TTN: variants seen among roughly 807,000 people sequenced by gnomAD.
The protein encoded by TTN is connectin.
A neutral mutation model predicts 3,223.0 loss-of-function variants in TTN; 1,525 were observed. The ratio of observed to expected loss-of-function variants is 0.47; its 90% CI spans 0.45 to 0.49. The LOEUF is 0.49. Among genes scored for constraint, TTN ranks in the 20% least tolerant of loss-of-function variants. TTN has a pLI of 0.00. For missense variants in TTN, 40,786 were observed against 43,424.0 expected (o/e 0.94, Z 5.40); for synonymous variants, 14,094 against 15,161.0 (o/e 0.93, Z 5.17).
intron 168 of TTN, 67 bp downstream of exon 168, chr2:178,664,393 C>T: frequency 7.9e-7 from 1 of 1,261,012 alleles, no homozygotes. Context: ...ATTTTCAAAA[C>T]TAGAAAGGTG....
In TTN at chr2:178,575,291, C is replaced by T; in HGVS notation, c.70841G>A (p.Ser23614Asn). ...GACGGGTCTGCTTTCTCTAGGGGCA[C>T]TTCTCCCCGCGCTGTTCACTGCCAT... is the stretch of plus-strand genomic sequence containing the variant. ...QVMAVNSAGRSAPRESRPVIV... is the reference protein window; with the variant it reads ...QVMAVNSAGRNAPRESRPVIV... The change falls in exon 326 of 363, where the codon AGT (serine) becomes AAT (asparagine). Residue 23614 changes from serine (S) to asparagine (N), a missense_variant. By Grantham distance (46) the Ser-to-Asn change is conservative. Transcript: ENST00000589042. This position sits in a 1 kb window ranked among gnomAD's most constrained non-coding sequence, Gnocchi z 4.0. 1.9e-6 allele frequency: 3 copies of T among 1,613,420 alleles called. No homozygotes were observed. The highest frequency in any genetic ancestry group is 2.5e-6 in the Non-Finnish European group (3 of 1,179,624).
chr2:178,651,894 C>G lies in TTN; in HGVS notation c.39369G>C (p.Ala13123=), dbSNP rs768499213. The G allele has an allele frequency of 6.2e-7, 1 of 1,607,678 alleles. No individual in the cohort carries two copies. Among genetic ancestry groups the G allele is most frequent in the South Asian group, 1.1e-5 (1 of 89,882 alleles). Residue 13123 remains alanine (A), a synonymous_variant, in exon 205 of 363, where the codon GCG becomes GCC. Transcript: ENST00000589042. The part of the protein sequence containing the change: ...AEVVEEPEPA[A]PPQVTVPPKK... ...TTTCTTGCCATGTACCTTGTGGAGGCGCCGCTGGCTCTGGCTCTTCCACAA... is the reference window on the plus strand; with the variant it reads ...TTTCTTGCCATGTACCTTGTGGAGGGGCCGCTGGCTCTGGCTCTTCCACAA...
rs2080755955 is a variant in TTN, at chr2:178,732,631, G to A, written c.16430C>T (p.Thr5477Ile). 1.2e-6 allele frequency: 2 copies of A among 1,613,242 alleles called. No individual in the cohort carries two copies. The highest frequency in any genetic ancestry group is 2.2e-5 in the East Asian group (1 of 44,794). ...VCLKSTFQGS[T>I]PLTIRWFKGN... ...CTTAAACCATCTGATTGTGAGAGGA[G>A]TAGATCCTTGGAAAGTGCTCTTCAG... The change falls in exon 56 of 363, where the codon ACT becomes ATT. Residue 5477 changes from threonine (T) to isoleucine (I), a missense_variant. Transcript: ENST00000589042.
chr2:178,743,872 G>C (rs2082944042), intron 47 of TTN, among the ~76,000 whole-genome samples: 2 of 151,972 alleles, frequency 1.3e-5, no homozygotes, highest in Non-Finnish European at 2.9e-5. Context: ...GTTGGAACAG[G>C]AATGATTGTT....
Position 178,563,999 on chromosome 2 carries a change from T to G in TTN, c.82133A>C (p.Lys27378Thr), listed in dbSNP as rs886055240. 7 of 1,613,568 alleles carry G rather than the reference T, an allele frequency of 4.3e-6. No homozygotes were observed. The highest frequency in any genetic ancestry group is 5.1e-6 in the Non-Finnish European group (6 of 1,179,740). ...TTTTTCCGCAGTAACTCCAGTAACT[T>G]TCAGAGGCCCTTCAGGAGGCCCTGG... The part of the protein sequence containing the change: ...DRPGPPEGPL[K>T]VTGVTAEKCY... The change falls in exon 326 of 363, where the codon AAA (lysine) becomes ACA (threonine). Residue 27378 changes from lysine to threonine, a missense_variant. Lys to Thr is a moderately conservative substitution (Grantham distance 78). Transcript: ENST00000589042. This position sits in a 1 kb window ranked among gnomAD's most constrained non-coding sequence, Gnocchi z 4.5.
At position 178,719,443 on chromosome 2, in the gene TTN, C is replaced by T. The variant is rs1060500564; in HGVS notation, c.23947G>A (p.Val7983Met). ...TVSVHVSDRI[V>M]PPSFIRKLKD... Reference sequence around the variant, plus strand: ...AGCTTGCGGATGAAGGAAGGAGGCACAATCCGATCTATGTGGGGAAGGGTA... The same window carrying T: ...AGCTTGCGGATGAAGGAAGGAGGCATAATCCGATCTATGTGGGGAAGGGTA... Residue 7983 changes from valine to methionine, a missense_variant, in exon 83 of 363, where the codon GTG becomes ATG. Physicochemically the swap from Val to Met is conservative, Grantham distance 21. Coordinates refer to ENST00000589042, the MANE Select transcript of TTN (RefSeq NM_001267550.2). The T allele has an allele frequency of 6.2e-7, 1 of 1,611,902 alleles. No homozygotes were observed. The highest frequency in any genetic ancestry group is 8.5e-7 in the Non-Finnish European group (1 of 1,178,532).
chr2:178,760,014 C>A (rs2088616244), intron 43 of TTN, among the ~76,000 whole-genome samples: 1 of 152,132 alleles, frequency 6.6e-6, no homozygotes, highest in Non-Finnish European at 1.5e-5. Context: ...AAAATCAAAG[C>A]CATCTTGTTT....
At chr2:178,695,633 T>C in intron 114 of TTN, among the ~76,000 whole-genome samples, 1 of 152,014 alleles carries the variant, frequency 6.6e-6, no homozygotes, top group South Asian at 2.1e-4. Context: ...CATTAGAAAT[T>C]AGCACTTGGA....
At position 178,705,273 on chromosome 2, in the gene TTN, A is replaced by G. The variant is rs749890748; in HGVS notation, c.29505T>C (p.Tyr9835=). 3 of 1,613,534 alleles carry G rather than the reference A, an allele frequency of 1.9e-6. No homozygotes were observed. The highest frequency in any genetic ancestry group is 2.5e-6 in the Non-Finnish European group (3 of 1,179,682). ...ELLKNVDPKE[Y]EKYARMYGIT... is the part of the protein sequence containing the mutation. ...TTCCATACATGCGGGCATATTTTTC[A>G]TATTCTTTAGGATCAACATTTTTGA... The change falls in exon 103 of 363, where the codon TAT becomes TAC. Residue 9835 remains tyrosine, a synonymous_variant. Coordinates refer to ENST00000589042, the MANE Select transcript of TTN (RefSeq NM_001267550.2).
In TTN at chr2:178,679,639, A is replaced by G. The variant is rs1479749709; in HGVS notation, c.33624T>C (p.Pro11208=). 2 of 1,611,758 alleles carry G rather than the reference A, an allele frequency of 1.2e-6. No individual in the cohort carries two copies. The change falls in exon 141 of 363, where the codon CCT becomes CCC. Residue 11208 remains proline, a synonymous_variant. Coordinates refer to ENST00000589042, the MANE Select transcript of TTN (RefSeq NM_001267550.2). ...CTTCCTTCTTCTTGGGAACAGGAAC[A>G]GGTTTCTTCTCTTCTGGAACAGGTT... The part of the protein sequence containing the change: ...PRKPVPEEKK[P]VPVPKKKEAP...
chr2:178,672,361 A>G, intron 154 of TTN, 46 bp downstream of exon 154: 1 of 1,599,192 alleles, frequency 6.3e-7, no homozygotes, highest in South Asian at 1.1e-5. Context: ...TGAATAAAGG[A>G]TTGCATGCAA....
rs2067926660 is a variant in TTN, at chr2:178,675,676, G to T, written c.34532C>A (p.Ala11511Asp). 7.1e-7 allele frequency: 1 copy of T among 1,416,124 alleles called. No individual in the cohort carries two copies. The highest frequency in any genetic ancestry group is 1.4e-5 in the African/African-American group (1 of 69,436). The allele number at this position is 1,416,124 out of a possible 1,614,324, so 87.7% of individuals were successfully genotyped here. A position where few individuals can be genotyped will look rare whatever the true frequency, so the allele number is the denominator to read the frequency against. ...PGLKKAVAPP[A>D]KVPEVPKKVE... ...CCTGTTATGGGATGATGTACCTTTG[G>T]CAGGAGGGGCCACTGCTTTCTTAAG... The change falls in exon 149 of 363, where the codon GCC becomes GAC. Residue 11511 changes from alanine (A) to aspartate (D), a missense_variant. Ala to Asp is a moderately radical substitution (Grantham distance 126). Transcript: ENST00000589042.
chr2:178,777,968 A>G lies in TTN; in HGVS notation c.4216T>C (p.Ser1406Pro). 1 of 1,613,726 alleles carries G rather than the reference A, an allele frequency of 6.2e-7. No individual in the cohort carries two copies. The highest frequency in any genetic ancestry group is 1.1e-5 in the South Asian group (1 of 91,064). The change falls in exon 25 of 363, where the codon TCT (serine) becomes CCT (proline). Residue 1406 changes from serine (S) to proline (P), a missense_variant. Ser to Pro is a moderately conservative substitution (Grantham distance 74). Coordinates refer to ENST00000589042, the MANE Select transcript of TTN (RefSeq NM_001267550.2). ...LEPVSRIRSL[S>P]PRSVSRSPIR... ...GGAGACCTGCTCACTGAACGTGGAG[A>G]GAGAGATCTGCAAAACAAAGACACA...
At chr2:178,629,969 T>TAC (rs1378626678) in intron 239 of TTN, among the ~76,000 whole-genome samples, 3 of 152,080 alleles carry the variant, frequency 2.0e-5, no homozygotes, top group Non-Finnish European at 4.4e-5. Context: ...TCTCATTGTA[T>TAC]GTGTATCTAC....
intron 16 of TTN, 29 bp downstream of exon 16, chr2:178,784,041 C>T (rs2092989912): frequency 1.1e-5 from 17 of 1,611,604 alleles, no homozygotes; most frequent in African/African-American, 1.3e-5. Context: ...GGGAGTGGAC[C>T]ATGTAACAGC....
In TTN at chr2:178,632,421, G is replaced by T. The variant is rs1553738766; in HGVS notation, c.43481-8C>A. The T allele has an allele frequency of 6.4e-7, 1 of 1,567,782 alleles. No individual in the cohort carries two copies. Among genetic ancestry groups the T allele is most frequent in the Admixed American group, 2.1e-5 (1 of 48,194 alleles). On this transcript the variant is annotated splice_region_variant and splice_polypyrimidine_tract_variant and intron_variant, in intron 235 of 362. Coordinates refer to ENST00000589042, the MANE Select transcript of TTN (RefSeq NM_001267550.2). ...GGAATTTGAGCCGGATTCCTATCAA[G>T]AAAAAAAAGAAAGAACTTATTAATT...
Position 178,684,914 on chromosome 2 carries a change from G to T in TTN, c.32546C>A (p.Pro10849Gln). Residue 10849 changes from proline to glutamine, a missense_variant, in exon 130 of 363, where the codon CCA becomes CAA. Physicochemically the swap from Pro to Gln is moderately conservative, Grantham distance 76. Coordinates refer to ENST00000589042, the MANE Select transcript of TTN (RefSeq NM_001267550.2). ...AATAAAATCCAATATACCTTTAGGT[G>T]GGGGCACCTTTTCCTTTTTAGGAAC... The part of the protein sequence containing the change: ...APVPKKEKVP[P>Q]PKVPEEPKKP... 4 of 1,606,284 alleles carry T rather than the reference G, an allele frequency of 2.5e-6. No homozygotes were observed. The South Asian group carries it at 4.5e-5, about 18-fold the overall frequency.
chr2:178,701,739 T>C (rs1189979207), intron 109 of TTN, among the ~76,000 whole-genome samples, 152 bp from the exon 110 acceptor site: 1 of 152,244 alleles, frequency 6.6e-6, no homozygotes, highest in Non-Finnish European at 1.5e-5. Flanking sequence ...AGTATTCTTT[T>C]GTATGCAACC....
In TTN at chr2:178,534,301, A is replaced by T. The variant is rs747672013; in HGVS notation, c.102314T>A (p.Val34105Asp). The part of the protein sequence containing the change: ...HTLIKKDLNM[V>D]VSAARISCGG... Reference sequence around the variant, plus strand: ...ACAGGAGATCCGGGCTGCTGACACAACCATGTTGAGGTCTTTCTTGATCAG... The same window carrying T: ...ACAGGAGATCCGGGCTGCTGACACATCCATGTTGAGGTCTTTCTTGATCAG... The change falls in exon 358 of 363, where the codon GTT (valine) becomes GAT (aspartate). Residue 34105 changes from valine (V) to aspartate (D), a missense_variant. Transcript: ENST00000589042. 1 of 1,613,790 alleles carries T rather than the reference A, an allele frequency of 6.2e-7. No individual in the cohort carries two copies. Among genetic ancestry groups the T allele is most frequent in the Admixed American group, 1.7e-5 (1 of 60,018 alleles).
Sources: gnomAD v4.1 joint callset for allele counts (sites outside exome capture counted in the v4.1 genomes callset) on GRCh38, gnomAD v4.1.1 for gene constraint, Gnocchi (gnomAD v3.1) non-coding constraint, MANE v1.5 for transcripts, NCBI Gene and HGNC (gene_info 2026-07-23, HGNC 2026-07-21) for gene names.